The following RETREG1 variants were observed in gnomAD, a reference collection of about 807,000 sequenced individuals.
The protein encoded by RETREG1 is family with sequence similarity 134 member B.
In RETREG1, 44 loss-of-function variants were observed where a neutral mutation model predicts 54.8. The observed-to-expected ratio is 0.80, with a 90% confidence interval of 0.63 to 1.03. The LOEUF (loss-of-function observed/expected upper bound fraction) is 1.03, where lower values mean the gene tolerates loss of function less well. Ranked by LOEUF, RETREG1 falls within the 50% of genes least tolerant of loss-of-function variation. RETREG1 has a pLI of 0.00. For synonymous variants in RETREG1, 217 were observed against 238.5 expected, an observed-to-expected ratio of 0.91 and a Z score of 0.83; for missense variants, 554 against 605.1, an observed-to-expected ratio of 0.92 and a Z score of 0.89.
chr5:16,519,601 A>G (rs930992236), intron 3 of RETREG1, among the ~76,000 whole-genome samples: 1 of 152,110 alleles, frequency 6.6e-6, no homozygotes, highest in Non-Finnish European at 1.5e-5. Flanking sequence ...TTTCAGCCCA[A>G]AATAACCAGG....
At chr5:16,603,551 A>T (rs1165751431) in intron 1 of RETREG1, among the ~76,000 whole-genome samples, 2 of 152,096 alleles carry the variant, frequency 1.3e-5, no homozygotes, top group African/African-American at 4.8e-5. Flanking sequence ...CTGGTGGGAG[A>T]GCGGCTGCCT....
intron 3 of RETREG1, among the ~76,000 whole-genome samples, chr5:16,528,553 G>T (rs904352942): frequency 2.0e-5 from 3 of 152,152 alleles, no homozygotes; most frequent in African/African-American, 7.2e-5. Context: ...GGCCAAGGAG[G>T]AGTGAGACCT....
rs1168106564 is a variant in RETREG1, at chr5:16,585,651, T to C, written c.321-13549A>G. On this transcript the variant is annotated intron_variant, in intron 1 of 8. Transcript: ENST00000306320. This position sits in a 1 kb window ranked among gnomAD's most constrained non-coding sequence, Gnocchi z 4.5. ...TCTTGCATTGCCCTAAAGAAATACC[T>C]GAGACTGGGTAATTTATAAAGAAAA... 6.6e-6 allele frequency among the ~76,000 whole-genome samples: 1 copy of C among 152,156 alleles called. No individual in the cohort carries two copies. Among genetic ancestry groups the C allele is most frequent in the Non-Finnish European group, 1.5e-5 (1 of 68,028 alleles).
chr5:16,568,274 CTTTTT>C (rs70940379), intron 2 of RETREG1, among the ~76,000 whole-genome samples: 1 of 141,742 alleles, frequency 7.1e-6, no homozygotes, highest in Non-Finnish European at 1.5e-5. Context: ...ATATCACTGA[CTTTTT>C]TTTTTTTTTT....
At position 16,474,310 on chromosome 5, in the gene RETREG1, G is replaced by A. The variant is rs1738427286; in HGVS notation, c.*431C>T. 1 of 156,406 alleles carries A rather than the reference G, an allele frequency of 6.4e-6. No homozygotes were observed. Among genetic ancestry groups the A allele is most frequent in the Non-Finnish European group, 1.4e-5 (1 of 71,082 alleles). The allele number at this position is 156,406 out of a possible 1,614,324, so 9.7% of individuals were successfully genotyped here. A position where few individuals can be genotyped will look rare whatever the true frequency, so the allele number is the denominator to read the frequency against. ...GAAAAAAAAATTTTCCAGGTATTAG[G>A]AATAAGGAAGCTGGTAACAGCATGT... On this transcript the variant is annotated 3_prime_UTR_variant, in exon 9 of 9. Coordinates refer to ENST00000306320, the MANE Select transcript of RETREG1 (RefSeq NM_001034850.3).
At chr5:16,530,537 T>A (rs1740880489) in intron 3 of RETREG1, among the ~76,000 whole-genome samples, 1 of 152,214 alleles carries the variant, frequency 6.6e-6, no homozygotes, top group Non-Finnish European at 1.5e-5. Context: ...CTGAGACCAG[T>A]GCTTGGCATG....
At chr5:16,496,741 C>G (rs77159796) in intron 3 of RETREG1, among the ~76,000 whole-genome samples, 1 of 152,154 alleles carries the variant, frequency 6.6e-6, no homozygotes, top group East Asian at 1.9e-4. Context: ...ATGGAAACAA[C>G]GGGCACAAAG....
chr5:16,592,924 G>A (rs1742815229), intron 1 of RETREG1, among the ~76,000 whole-genome samples: 1 of 151,958 alleles, frequency 6.6e-6, no homozygotes, highest in Non-Finnish European at 1.5e-5. Context: ...GAGAAGAGCA[G>A]AAAAAATAAC....
chr5:16,547,692 A>G (rs564992312), intron 3 of RETREG1, among the ~76,000 whole-genome samples: 19 of 152,352 alleles, frequency 1.2e-4, no homozygotes, highest in African/African-American at 4.3e-4. Flanking sequence ...TGATGTGTTC[A>G]GTCATGTAAC....
intron 1 of RETREG1, among the ~76,000 whole-genome samples, chr5:16,596,970 G>C (rs149774637): frequency 2.1e-4 from 32 of 152,312 alleles, no homozygotes; most frequent in African/African-American, 7.7e-4. Context: ...GAGTCTGGCT[G>C]ATTCTCTGCT....
At chr5:16,501,168 T>G (rs1235177379) in intron 3 of RETREG1, among the ~76,000 whole-genome samples, 3 of 152,250 alleles carry the variant, frequency 2.0e-5, no homozygotes, top group Non-Finnish European at 4.4e-5. Flanking sequence ...AGTGAATATT[T>G]AACATGGCTT....
chr5:16,535,596 G>A (rs1215094328), intron 3 of RETREG1, among the ~76,000 whole-genome samples: 2 of 150,594 alleles, frequency 1.3e-5, no homozygotes, highest in Non-Finnish European at 2.9e-5. Flanking sequence ...AGTGGGAGCT[G>A]GGGTTCCTGT....
At chr5:16,571,340 C>G (rs974192838) in intron 2 of RETREG1, among the ~76,000 whole-genome samples, 1 of 152,142 alleles carries the variant, frequency 6.6e-6, no homozygotes, top group African/African-American at 2.4e-5. Context: ...TAAAATCTAT[C>G]TCATTACATT....
intron 1 of RETREG1, among the ~76,000 whole-genome samples, chr5:16,574,414 G>A (rs746846278): frequency 4.6e-5 from 7 of 152,174 alleles, no homozygotes; most frequent in East Asian, 1.9e-4. Context: ...AGGATGTGAC[G>A]GGGTAGGGAG....
chr5:16,577,246 T>C (rs1742348771), intron 1 of RETREG1, among the ~76,000 whole-genome samples: 1 of 152,116 alleles, frequency 6.6e-6, no homozygotes, highest in Non-Finnish European at 1.5e-5. Context: ...GTGTAGCCTA[T>C]AAGTTGGCAC....
At chr5:16,570,054 T>A (rs1337660805) in intron 2 of RETREG1, among the ~76,000 whole-genome samples, 1 of 152,230 alleles carries the variant, frequency 6.6e-6, no homozygotes, top group Non-Finnish European at 1.5e-5. Flanking sequence ...CGGACTACTG[T>A]CCTTCAGAAC....
intron 3 of RETREG1, among the ~76,000 whole-genome samples, chr5:16,532,938 C>G (rs1740955237): frequency 6.6e-6 from 1 of 152,152 alleles, no homozygotes; most frequent in Admixed American, 6.5e-5. Flanking sequence ...TGTGACACTT[C>G]AGAAAGATCT....
In RETREG1 at chr5:16,474,837, A is replaced by G; in HGVS notation, c.1398T>C (p.Ile466=). Residue 466 remains isoleucine, a synonymous_variant, in exon 9 of 9, where the codon ATT becomes ATC. Coordinates refer to ENST00000306320, the MANE Select transcript of RETREG1 (RefSeq NM_001034850.3). The part of the protein sequence containing the change: ...ELLDQSELDQ[I]ESELGLTQDQ... The stretch of plus-strand genomic sequence containing the variant: ...CTTGTGTAAGTCCCAATTCACTCTC[A>G]ATTTGATCCAGCTCTGACTGGTCAA... 1 of 1,613,876 alleles carries G rather than the reference A, an allele frequency of 6.2e-7. No homozygotes were observed. Among genetic ancestry groups the G allele is most frequent in the Non-Finnish European group, 8.5e-7 (1 of 1,179,928 alleles).
chr5:16,588,701 T>G (rs1371656205), intron 1 of RETREG1, among the ~76,000 whole-genome samples: 2 of 152,194 alleles, frequency 1.3e-5, no homozygotes, highest in East Asian at 3.9e-4. Context: ...GAACGAGCTG[T>G]AAGAAACTAT....
Sources: gnomAD v4.1 joint callset for allele counts (sites outside exome capture counted in the v4.1 genomes callset) on GRCh38, gnomAD v4.1.1 for gene constraint, Gnocchi (gnomAD v3.1) non-coding constraint, MANE v1.5 for transcripts, NCBI Gene and HGNC (gene_info 2026-07-23, HGNC 2026-07-21) for gene names.